The following MYO5A variants were observed in gnomAD, a reference collection of about 807,000 sequenced individuals.
The protein encoded by MYO5A is unconventional myosin-Va.
A neutral mutation model predicts 249.7 loss-of-function variants in MYO5A; 98 were observed. That is an observed-to-expected ratio of 0.39 (90% CI 0.33 to 0.46). The LOEUF is 0.46. Among genes scored for constraint, MYO5A ranks in the 20% least tolerant of loss-of-function variants. MYO5A has a pLI of 0.98. For missense variants in MYO5A, 1,696 were observed against 2,308.8 expected (o/e 0.73, Z 5.44); for synonymous variants, 778 against 810.6 (o/e 0.96, Z 0.68).
In MYO5A at chr15:52,408,609, T is replaced by A. The variant is rs1194309977; in HGVS notation, c.757-469A>T. 3.9e-4 allele frequency among the ~76,000 whole-genome samples: 60 copies of A among 152,240 alleles called. 1 individual carries two copies. Among genetic ancestry groups the A allele is most frequent in the Non-Finnish European group, 4.4e-5 (3 of 68,034 alleles). On this transcript the variant is annotated intron_variant, in intron 6 of 41. Coordinates refer to ENST00000399233, the MANE Select transcript of MYO5A (RefSeq NM_001382347.1). Reference sequence around the variant, plus strand: ...GAAAGTCACAAATGTACATCTTCTATATCATTTTAGTTTATACATTTTAAA... The same window carrying A: ...GAAAGTCACAAATGTACATCTTCTAAATCATTTTAGTTTATACATTTTAAA...
intron 1 of MYO5A, among the ~76,000 whole-genome samples, chr15:52,462,847 G>GA (rs35037994): frequency 0.16 from 21,999 of 137,166 alleles, 1,719 homozygotes; most frequent in Middle Eastern, 0.24. Context: ...ATCCGTCTTG[G>GA]AAAAAAAAAA....
At chr15:52,454,139 A>T (rs2076072795) in intron 1 of MYO5A, among the ~76,000 whole-genome samples, 1 of 152,104 alleles carries the variant, frequency 6.6e-6, no homozygotes, top group African/African-American at 2.4e-5. Flanking sequence ...CTATAAAGAC[A>T]TACGTAGACT....
intron 1 of MYO5A, among the ~76,000 whole-genome samples, chr15:52,464,984 T>C (rs1273486310): frequency 6.6e-6 from 1 of 152,232 alleles, no homozygotes; most frequent in African/African-American, 2.4e-5. Flanking sequence ...AAATAGAGAC[T>C]GTATTGGCCA....
intron 33 of MYO5A, among the ~76,000 whole-genome samples, chr15:52,336,883 AAGG>A (rs1337318259): frequency 6.6e-6 from 1 of 152,228 alleles, no homozygotes; most frequent in African/African-American, 2.4e-5. Flanking sequence ...CTTTCTTTTA[AAGG>A]AGGACTGACT....
At chr15:52,489,210 A>C (rs143509978) in intron 1 of MYO5A, among the ~76,000 whole-genome samples, 13 of 152,320 alleles carry the variant, frequency 8.5e-5, no homozygotes, top group Non-Finnish European at 1.5e-5. Context: ...TTTGGCACTG[A>C]TTTCTTGGAG....
At chr15:52,382,372 G>C (rs778369318) in intron 16 of MYO5A, among the ~76,000 whole-genome samples, 1 of 152,132 alleles carries the variant, frequency 6.6e-6, no homozygotes, top group Non-Finnish European at 1.5e-5. Flanking sequence ...AGGAGTTCAA[G>C]ACCAGCCTGG....
At chr15:52,384,572 G>A (rs1423476535) in intron 14 of MYO5A, among the ~76,000 whole-genome samples, 1 of 152,152 alleles carries the variant, frequency 6.6e-6, no homozygotes, top group African/African-American at 2.4e-5. Flanking sequence ...CAAAACTACT[G>A]CACCCGGACT....
chr15:52,465,345 G>A (rs550108034), intron 1 of MYO5A, among the ~76,000 whole-genome samples: 23 of 152,220 alleles, frequency 1.5e-4, no homozygotes, highest in South Asian at 8.3e-4. Flanking sequence ...AATTTTAGCC[G>A]AGAAAAGCAG....
At chr15:52,437,647 C>T (rs1446028646) in intron 1 of MYO5A, among the ~76,000 whole-genome samples, 4 of 148,480 alleles carry the variant, frequency 2.7e-5, no homozygotes, top group African/African-American at 9.9e-5. Flanking sequence ...CATGAAATGA[C>T]CTATCACCTT....
intron 27 of MYO5A, 59 bp from the exon 28 acceptor site, chr15:52,351,540 T>G: frequency 6.8e-7 from 1 of 1,480,398 alleles, no homozygotes; most frequent in Non-Finnish European, 9.4e-7. Flanking sequence ...CGTTGGATGC[T>G]CAAACTTCTC....
intron 1 of MYO5A, among the ~76,000 whole-genome samples, chr15:52,482,583 ACAACT>A (rs777161516): frequency 1.6e-4 from 24 of 152,210 alleles, no homozygotes; most frequent in Non-Finnish European, 3.4e-4. Context: ...CACATCAAAA[ACAACT>A]CAACAAGGTG....
intron 5 of MYO5A, among the ~76,000 whole-genome samples, chr15:52,415,155 T>C (rs1452924953): frequency 6.6e-6 from 1 of 152,162 alleles, no homozygotes; most frequent in Non-Finnish European, 1.5e-5. Context: ...GTACCACAGG[T>C]GCACCAGGCC....
intron 3 of MYO5A, among the ~76,000 whole-genome samples, chr15:52,428,084 T>C (rs1201235218): frequency 6.6e-6 from 1 of 152,208 alleles, no homozygotes; most frequent in Non-Finnish European, 1.5e-5. Context: ...CATCTACTCT[T>C]CGTGTAGTAG....
Position 52,313,658 on chromosome 15 carries a change from C to T in MYO5A, c.*38G>A. 3 of 1,612,044 alleles carry T rather than the reference C, an allele frequency of 1.9e-6. No individual in the cohort carries two copies. The highest frequency in any genetic ancestry group is 2.5e-6 in the Non-Finnish European group (3 of 1,178,378). ...GGAAATAATGGGTTCTTATTTCGGGCAAGAAATGTATTGTCAATTTTTGCC... is the reference window on the plus strand; with the variant it reads ...GGAAATAATGGGTTCTTATTTCGGGTAAGAAATGTATTGTCAATTTTTGCC... On this transcript the variant is annotated 3_prime_UTR_variant, in exon 42 of 42. Transcript: ENST00000399233.
At chr15:52,408,806 G>T (rs1277760062) in intron 6 of MYO5A, among the ~76,000 whole-genome samples, 3 of 152,104 alleles carry the variant, frequency 2.0e-5, no homozygotes, top group Non-Finnish European at 4.4e-5. Flanking sequence ...AGTATACTCA[G>T]TTGGCTAATG....
chr15:52,522,082 T>C (rs2077633815), intron 1 of MYO5A, among the ~76,000 whole-genome samples: 1 of 152,156 alleles, frequency 6.6e-6, no homozygotes, highest in African/African-American at 2.4e-5. Context: ...AGTATCTCTA[T>C]TGGTTGGGCT....
rs532803099 is a variant in MYO5A at position 52,473,401 on chromosome 15, A to C, written c.28-40116T>G. 6.5e-4 allele frequency among the ~76,000 whole-genome samples: 99 copies of C among 152,308 alleles called. No homozygotes were observed. In the South Asian group the frequency reaches 0.02, roughly 30 times the overall value. The stretch of plus-strand genomic sequence containing the variant: ...TGTGCAGAAGCTCTTTAGTTTAATT[A>C]GATCCCATTTGTCAATTTTGGCTTT... On this transcript the variant is annotated intron_variant, in intron 1 of 41. Transcript: ENST00000399233.
Position 52,387,809 on chromosome 15 carries a change from G to A in MYO5A, c.1752+20C>T, listed in dbSNP as rs1435400692. 2.6e-6 allele frequency: 4 copies of A among 1,517,384 alleles called. No individual in the cohort carries two copies. Among genetic ancestry groups the A allele is most frequent in the Non-Finnish European group, 9.2e-7 (1 of 1,092,694 alleles). 94.0% of individuals were successfully genotyped at this position (1,517,384 alleles called of 1,614,324 possible). A position where few individuals can be genotyped will look rare whatever the true frequency, so the allele number is the denominator to read the frequency against. ...TGCTTTGCATACATCCTGGATTAGA[G>A]TAAGCCTATCCATAGTTACCTTGCT... On this transcript the variant is annotated intron_variant, in intron 14 of 41. Transcript: ENST00000399233.
rs1051723599 is a variant in MYO5A at position 52,445,746 on chromosome 15, C to T, written c.28-12461G>A. ...ACTGGAGCAAAGGTCACGTGTGTTACGCCTCACCAAAGAACTTGGCTACAA... is the reference window on the plus strand; with the variant it reads ...ACTGGAGCAAAGGTCACGTGTGTTATGCCTCACCAAAGAACTTGGCTACAA... On this transcript the variant is annotated intron_variant, in intron 1 of 41. Transcript: ENST00000399233. Among the ~76,000 whole-genome samples, 19 of 152,170 alleles carry T rather than the reference C, an allele frequency of 1.2e-4. 1 individual carries two copies. The highest frequency in any genetic ancestry group is 4.6e-4 in the Admixed American group (7 of 15,286).
Sources: gnomAD v4.1 joint callset for allele counts (sites outside exome capture counted in the v4.1 genomes callset) on GRCh38, gnomAD v4.1.1 for gene constraint, MANE v1.5 for transcripts, NCBI Gene and HGNC (gene_info 2026-07-23, HGNC 2026-07-21) for gene names.